Variants in COL6A3 observed in about 807,000 individuals in gnomAD.
COL6A3 encodes the protein collagen type VI alpha 3 chain.
In COL6A3, 137 loss-of-function variants were observed where a neutral mutation model predicts 274.1. The observed-to-expected ratio is 0.50, with a 90% CI of 0.44 to 0.58. The LOEUF (loss-of-function observed/expected upper bound fraction) is 0.58. Among genes scored for constraint, COL6A3 ranks in the 20% least tolerant of loss-of-function variants. COL6A3 has a pLI of 0.00. For synonymous variants in COL6A3, 1,650 were observed against 1,650.6 expected (o/e 1.00, Z 0.01); for missense variants, 3,950 against 4,124.9 (o/e 0.96, Z 1.16).
rs1244531431 is a variant in COL6A3 at position 237,357,828 on chromosome 2, G to A, written c.6526C>T (p.Leu2176Phe). The stretch of plus-strand genomic sequence containing the variant: ...GTGCAGCACCTTACCATGGGGCCGA[G>A]GTCACCGGTTTCTCCTTTGGGTCCT... ...ERGPKGETGD[L>F]GPMGVPGRDG... The change falls in exon 22 of 44, where the codon CTC becomes TTC. Residue 2176 changes from leucine (L) to phenylalanine (F), a missense_variant. Leu to Phe is a conservative substitution (Grantham distance 22). Coordinates refer to ENST00000295550, the MANE Select transcript of COL6A3 (RefSeq NM_004369.4). 6 of 1,614,114 alleles carry A rather than the reference G, an allele frequency of 3.7e-6. No homozygotes were observed. The highest frequency in any genetic ancestry group is 5.1e-6 in the Non-Finnish European group (6 of 1,180,012).
chr2:237,370,126 TGCTAGAATTATAGGCATGAGCC>T (rs981053285), intron 9 of COL6A3, among the ~76,000 whole-genome samples: 10 of 151,788 alleles, frequency 6.6e-5, no homozygotes, highest in Non-Finnish European at 1.2e-4. Context: ...CCTCCCAAAG[TGCTAGAATTATAGGCATGAGCC>T]GCCATGCCCA....
rs199734893 is a variant in COL6A3, at chr2:237,348,588, T to C, written c.6930+25A>G. The C allele has an allele frequency of 1.1e-5, 18 of 1,611,552 alleles. No homozygotes were observed. In the East Asian group the frequency reaches 1.8e-4, roughly 16 times the overall value. ...GGAGCCTCCTGGCAGCAAGGACGCT[T>C]GGATAATCCTCAGCAGATACGTACT... On this transcript the variant is annotated intron_variant, in intron 29 of 43. Transcript: ENST00000295550.
chr2:237,394,954 TCCC>T lies in COL6A3; in HGVS notation c.339_341del (p.Gly114del), dbSNP rs761095188. ...CTAATCCTTTTCCAGTCTGATTGGT[TCCC>T]CCAATATAAGACATGTTGGAAATAT... is the stretch of plus-strand genomic sequence containing the variant. On this transcript the variant is annotated inframe_deletion, in exon 3 of 44. Transcript: ENST00000295550. 1.9e-6 allele frequency: 3 copies of T among 1,613,922 alleles called. No individual in the cohort carries two copies. The highest frequency in any genetic ancestry group is 2.5e-6 in the Non-Finnish European group (3 of 1,179,998).
intron 24 of COL6A3, among the ~76,000 whole-genome samples, chr2:237,354,621 G>A (rs756440538): frequency 2.0e-4 from 31 of 152,074 alleles, no homozygotes; most frequent in Admixed American, 7.2e-4. Flanking sequence ...TTTCTGGACC[G>A]AACCAATGTA....
rs780921503 is a variant in COL6A3, at chr2:237,388,132, TC to T, written c.761del (p.Gly254GlufsTer13). ...IFLIDGSNNT[G>X]SVNFAVILDF... ...CGAGAATGACTGCGAAATTGACACT[TC>T]CGGTGTTGTTTGATCCATCAATAAG... On this transcript the variant is annotated frameshift_variant, in exon 4 of 44. Transcript: ENST00000295550. LOFTEE classifies it high-confidence loss of function. The T allele has an allele frequency of 1.4e-4, 228 of 1,614,128 alleles. No individual in the cohort carries two copies. The highest frequency in any genetic ancestry group is 1.7e-4 in the Non-Finnish European group (203 of 1,180,024).
At position 237,387,757 on chromosome 2, in the gene COL6A3, A is replaced by G. The variant is rs2078183774; in HGVS notation, c.1137T>C (p.Leu379=). ...LKQASVFSFG[L]GAQAASRAEL... is the part of the protein sequence containing the mutation. ...CTGCCCTGGAGGCGGCCTGGGCTCC[A>G]AGGCCGAATGAGAACACGCTAGCCT... Residue 379 remains leucine (L), a synonymous_variant, in exon 4 of 44, where the codon CTT becomes CTC. Coordinates refer to ENST00000295550, the MANE Select transcript of COL6A3 (RefSeq NM_004369.4). The G allele has an allele frequency of 6.2e-7, 1 of 1,613,914 alleles. No individual in the cohort carries two copies.
At chr2:237,336,642 G>T in intron 39 of COL6A3, 110 bp from the exon 40 acceptor site, 1 of 1,116,930 alleles carries the variant, frequency 9.0e-7, no homozygotes, top group Non-Finnish European at 1.3e-6. Context: ...GCATGCAATA[G>T]TTTTTATAGA....
chr2:237,375,156 G>T, intron 7 of COL6A3, 136 bp from the exon 8 acceptor site: 1 of 1,311,944 alleles, frequency 7.6e-7, no homozygotes, highest in Non-Finnish European at 1.1e-6. Flanking sequence ...CTTTGCAGAT[G>T]TGATTCAGGT....
chr2:237,392,070 T>C (rs1196756542), intron 3 of COL6A3, among the ~76,000 whole-genome samples: 2 of 152,148 alleles, frequency 1.3e-5, no homozygotes, highest in African/African-American at 2.4e-5. Context: ...GGGAACACTT[T>C]GCAGTGTTTG....
chr2:237,372,856 G>T (rs1271747071), intron 8 of COL6A3, among the ~76,000 whole-genome samples: 1 of 152,176 alleles, frequency 6.6e-6, no homozygotes, highest in African/African-American at 2.4e-5. Flanking sequence ...AAGAAGCAAT[G>T]CATTTTATCA....
chr2:237,375,031 G>A lies in COL6A3; in HGVS notation c.3071-11C>T, dbSNP rs778794179. On this transcript the variant is annotated splice_polypyrimidine_tract_variant and intron_variant, in intron 7 of 43. Coordinates refer to ENST00000295550, the MANE Select transcript of COL6A3 (RefSeq NM_004369.4). ...CCTTTTCACCTGAAACTGGGAGGAG[G>A]ACAGCCTGGTAACTCACACAGGACA... is the stretch of plus-strand genomic sequence containing the variant. 8.7e-6 allele frequency: 14 copies of A among 1,613,088 alleles called. No homozygotes were observed. In the South Asian group the frequency reaches 1.3e-4, roughly 15 times the overall value.
chr2:237,404,642 A>C (rs2078677773), intron 1 of COL6A3, among the ~76,000 whole-genome samples: 1 of 152,196 alleles, frequency 6.6e-6, no homozygotes, highest in African/African-American at 2.4e-5. Context: ...AAAGAGCACA[A>C]GTGAATTATG....
rs778291538 is a variant in COL6A3 at position 237,344,263 on chromosome 2, A to G, written c.7668+87T>C. On this transcript the variant is annotated intron_variant, in intron 36 of 43. Transcript: ENST00000295550. This position sits in a 1 kb window ranked among gnomAD's most constrained non-coding sequence, Gnocchi z 4.8. ...ACGTTTTAGGAGCTATGGGACATGAAGCCACAAAGGAGCATGGACGTGTCT... is the reference window on the plus strand; with the variant it reads ...ACGTTTTAGGAGCTATGGGACATGAGGCCACAAAGGAGCATGGACGTGTCT... The G allele has an allele frequency of 1.9e-6, 3 of 1,599,306 alleles. No individual in the cohort carries two copies.
At position 237,374,364 on chromosome 2, in the gene COL6A3, G is replaced by A. The variant is rs2077773796; in HGVS notation, c.3679+48C>T. 1 of 1,603,894 alleles carries A rather than the reference G, an allele frequency of 6.2e-7. No individual in the cohort carries two copies. Among genetic ancestry groups the A allele is most frequent in the East Asian group, 2.2e-5 (1 of 44,870 alleles). ...TTGTGGCCCACAGTCCAGACAAGTA[G>A]CCCCAGACAATGACACTGAGTGAGG... On this transcript the variant is annotated intron_variant, in intron 8 of 43. Transcript: ENST00000295550. The surrounding 1 kb of genome is among the most constrained non-coding windows in gnomAD (Gnocchi z 4.8).
chr2:237,328,192 C>T (rs1188217006), intron 42 of COL6A3: 1 of 152,358 alleles, frequency 6.6e-6, no homozygotes, highest in Non-Finnish European at 1.5e-5. Context: ...AGGGGAAAGG[C>T]TGCCTGACTC....
intron 14 of COL6A3, among the ~76,000 whole-genome samples, chr2:237,362,672 C>CT (rs1010133716): frequency 3.3e-5 from 5 of 152,198 alleles, no homozygotes; most frequent in Non-Finnish European, 5.9e-5. Context: ...CAAAGAATCT[C>CT]TGAGTTCGCA....
At chr2:237,398,901 A>C (rs2078519258) in intron 1 of COL6A3, among the ~76,000 whole-genome samples, 1 of 152,224 alleles carries the variant, frequency 6.6e-6, no homozygotes, top group East Asian at 1.9e-4. Flanking sequence ...CCATGTTATC[A>C]AAAGTTATTC....
intron 14 of COL6A3, among the ~76,000 whole-genome samples, chr2:237,362,215 C>T (rs1191391601): frequency 6.6e-6 from 1 of 152,180 alleles, no homozygotes; most frequent in East Asian, 1.9e-4. Flanking sequence ...ATGGCCAAGA[C>T]TGAAGGTGGT....
chr2:237,361,866 T>G lies in COL6A3; in HGVS notation c.6064-35A>C. 1.3e-6 allele frequency: 2 copies of G among 1,571,296 alleles called. No individual in the cohort carries two copies. Among genetic ancestry groups the G allele is most frequent in the Non-Finnish European group, 1.8e-6 (2 of 1,140,876 alleles). ...GGAAGAGAAACCAAATGTTCAGATC[T>G]CAAGAAATGCCCAGCAGAAAATCAT... On this transcript the variant is annotated intron_variant, in intron 14 of 43. Transcript: ENST00000295550. The surrounding 1 kb of genome is among the most constrained non-coding windows in gnomAD (Gnocchi z 5.1).
Sources: allele counts gnomAD v4.1 joint callset (sites outside exome capture counted in the v4.1 genomes callset), GRCh38; gene constraint gnomAD v4.1.1; non-coding constraint Gnocchi (gnomAD v3.1); transcripts MANE v1.5; gene names NCBI Gene and HGNC (gene_info 2026-07-23, HGNC 2026-07-21).